The following HERC1 variants were observed in gnomAD, a reference collection of about 807,000 sequenced individuals.
HERC1 encodes probable E3 ubiquitin-protein ligase HERC1.
In HERC1, 160 loss-of-function variants were observed where a neutral mutation model predicts 554.3. The ratio of observed to expected loss-of-function variants is 0.29; its 90% CI spans 0.25 to 0.33. The LOEUF is 0.33. HERC1 is among the 10% of genes least tolerant of loss of function. The pLI is 1.00. For missense variants in HERC1, 4,919 were observed against 5,918.5 expected, an observed-to-expected ratio of 0.83 and a Z score of 5.54; for synonymous variants, 2,175 against 2,131.7, an observed-to-expected ratio of 1.02 and a Z score of -0.56.
At chr15:63,798,347 A>C (rs1401968640) in intron 1 of HERC1, among the ~76,000 whole-genome samples, 2 of 152,178 alleles carry the variant, frequency 1.3e-5, no homozygotes, top group African/African-American at 2.4e-5. Context: ...ACTTTTAACC[A>C]ACAACTGCCT....
intron 50 of HERC1, 148 bp downstream of exon 50, chr15:63,655,594 C>T: frequency 1.7e-6 from 1 of 585,532 alleles, no homozygotes; most frequent in Non-Finnish European, 3.0e-6. Flanking sequence ...TTTCCATACA[C>T]AGTGAAAAAG....
At position 63,634,950 on chromosome 15, in the gene HERC1, T is replaced by A. The variant is rs994437362; in HGVS notation, c.12415-62A>T. The A allele has an allele frequency of 1.5e-5, 19 of 1,289,874 alleles. No individual in the cohort carries two copies. In the African/African-American group the frequency reaches 2.5e-4, roughly 17 times the overall value. The allele number at this position is 1,289,874 out of a possible 1,614,324, so 79.9% of individuals were successfully genotyped here. A position where few individuals can be genotyped will look rare whatever the true frequency, so the allele number is the denominator to read the frequency against. On this transcript the variant is annotated intron_variant, in intron 65 of 77. Coordinates refer to ENST00000443617, the MANE Select transcript of HERC1 (RefSeq NM_003922.4). Reference sequence around the variant, plus strand: ...AGGGAAACTAAGAAAAAAGTAAATCTGCCATTTTTGGTATTAATATAGCAA... The same window carrying A: ...AGGGAAACTAAGAAAAAAGTAAATCAGCCATTTTTGGTATTAATATAGCAA...
Position 63,656,227 on chromosome 15 carries a change from C to G in HERC1, c.9731G>C (p.Ser3244Thr). The change falls in exon 49 of 78, where the codon AGC becomes ACC. Residue 3244 changes from serine to threonine, a missense_variant. Coordinates refer to ENST00000443617, the MANE Select transcript of HERC1 (RefSeq NM_003922.4). ...GLSTSPSAMA[S>T]TSERSRGGHS... ...CCCACCTCGTGATCGTTCTGAGGTG[C>G]TAGCCATGGCAGAAGGGCTGGTGGA... The G allele has an allele frequency of 3.7e-6, 6 of 1,613,566 alleles. No individual in the cohort carries two copies. Among genetic ancestry groups the G allele is most frequent in the Non-Finnish European group, 5.1e-6 (6 of 1,179,712 alleles).
intron 73 of HERC1, 54 bp from the exon 74 acceptor site, chr15:63,622,945 G>A: frequency 9.2e-7 from 1 of 1,088,438 alleles, no homozygotes; most frequent in Non-Finnish European, 1.3e-6. Context: ...TGCATGAAGA[G>A]AACAAACCAA....
At position 63,608,879 on chromosome 15, in the gene HERC1, T is replaced by TCAGG; in HGVS notation, c.*201_*202insCCTG. ...GAAAAACCTGACTGAGAGCACTTCG[T>TCAGG]TTTTGTTGTTTTTGTACAATCACAG... On this transcript the variant is annotated 3_prime_UTR_variant, in exon 78 of 78. Transcript: ENST00000443617. 2.2e-6 allele frequency: 1 copy of TCAGG among 449,610 alleles called. No individual in the cohort carries two copies. The highest frequency in any genetic ancestry group is 3.7e-6 in the Non-Finnish European group (1 of 268,814). 27.9% of individuals were successfully genotyped at this position (449,610 alleles called of 1,614,324 possible).
intron 12 of HERC1, among the ~76,000 whole-genome samples, chr15:63,744,306 C>G (rs1487626143): frequency 3.9e-5 from 6 of 152,100 alleles, no homozygotes; most frequent in Admixed American, 1.3e-4. Flanking sequence ...AGCACCAGCA[C>G]AGCACTGGGT....
intron 30 of HERC1, among the ~76,000 whole-genome samples, 185 bp downstream of exon 30, chr15:63,693,779 A>G (rs577826205): frequency 1.3e-5 from 2 of 152,320 alleles, no homozygotes; most frequent in Non-Finnish European, 2.9e-5. Context: ...GACTCTAAGC[A>G]GAGATGTTTG....
intron 17 of HERC1, among the ~76,000 whole-genome samples, chr15:63,726,735 T>A (rs747631903): frequency 6.6e-6 from 1 of 152,196 alleles, no homozygotes; most frequent in Non-Finnish European, 1.5e-5. Context: ...GTTTCACAGA[T>A]AAATTCTTCT....
At chr15:63,750,031 A>G (rs1356814071) in intron 8 of HERC1, among the ~76,000 whole-genome samples, 1 of 152,230 alleles carries the variant, frequency 6.6e-6, no homozygotes, top group African/African-American at 2.4e-5. Flanking sequence ...CATAGAAAAA[A>G]CAGAAAGGTC....
chr15:63,803,382 C>G (rs560493630), intron 1 of HERC1, among the ~76,000 whole-genome samples: 1 of 152,144 alleles, frequency 6.6e-6, no homozygotes, highest in East Asian at 1.9e-4. Context: ...CTAAATCATG[C>G]TGCTTCTTAT....
intron 74 of HERC1, among the ~76,000 whole-genome samples, chr15:63,618,204 A>C (rs2067908761): frequency 2.0e-5 from 3 of 151,282 alleles, no homozygotes; most frequent in African/African-American, 7.3e-5. Flanking sequence ...GAAGGGATCC[A>C]GTTTCAGCTT....
In HERC1 at chr15:63,659,849, T is replaced by C; in HGVS notation, c.9311A>G (p.Asn3104Ser). ...FELLAGPLGLNDRRIVPEPVQ... is the reference protein window; with the variant it reads ...FELLAGPLGLSDRRIVPEPVQ... ...TGGTTCTGGTACAATGCGCCGGTCA[T>C]TTAAACCAAGCGGTCCAGCAAGTAA... The change falls in exon 47 of 78, where the codon AAT (asparagine) becomes AGT (serine). Residue 3104 changes from asparagine to serine, a missense_variant. By Grantham distance (46) the Asn-to-Ser change is conservative. Coordinates refer to ENST00000443617, the MANE Select transcript of HERC1 (RefSeq NM_003922.4). The C allele has an allele frequency of 6.2e-7, 1 of 1,613,946 alleles. No individual in the cohort carries two copies. The highest frequency in any genetic ancestry group is 8.5e-7 in the Non-Finnish European group (1 of 1,179,832).
chr15:63,622,278 T>C (rs1043084817), intron 74 of HERC1, among the ~76,000 whole-genome samples: 5 of 152,074 alleles, frequency 3.3e-5, no homozygotes, highest in South Asian at 2.1e-4. Context: ...TATATTATCA[T>C]TGATTTGGTC....
intron 69 of HERC1, among the ~76,000 whole-genome samples, chr15:63,630,168 T>C (rs1453146840): frequency 2.6e-5 from 4 of 152,332 alleles, no homozygotes; most frequent in African/African-American, 9.6e-5. Context: ...ATACTGCAGC[T>C]TACTACATGC....
intron 26 of HERC1, among the ~76,000 whole-genome samples, chr15:63,697,450 A>ATT (rs35244420): frequency 0.012 from 1,267 of 108,464 alleles, 22 homozygotes; most frequent in African/African-American, 0.044. Flanking sequence ...GTTAATCTTG[A>ATT]TTTTTTTTTT....
At position 63,612,681 on chromosome 15, in the gene HERC1, C is replaced by G. The variant is rs1350485005; in HGVS notation, c.14095-125G>C. On this transcript the variant is annotated intron_variant, in intron 76 of 77. Coordinates refer to ENST00000443617, the MANE Select transcript of HERC1 (RefSeq NM_003922.4). The surrounding 1 kb of genome is among the most constrained non-coding windows in gnomAD (Gnocchi z 5.0). Reference sequence around the variant, plus strand: ...CTCCCCAGACCCTCTACTTGTTTCTCAGACCGCCAGGCACGAGAGTCAGTC... The same window carrying G: ...CTCCCCAGACCCTCTACTTGTTTCTGAGACCGCCAGGCACGAGAGTCAGTC... The G allele has an allele frequency of 1.1e-6, 1 of 872,374 alleles. No individual in the cohort carries two copies. The highest frequency in any genetic ancestry group is 1.7e-5 in the African/African-American group (1 of 59,148). The allele number at this position is 872,374 out of a possible 1,614,324, so 54.0% of individuals were successfully genotyped here. A position where few individuals can be genotyped will look rare whatever the true frequency, so the allele number is the denominator to read the frequency against.
At chr15:63,646,312 A>T (rs1439907079) in intron 55 of HERC1, among the ~76,000 whole-genome samples, 1 of 152,128 alleles carries the variant, frequency 6.6e-6, no homozygotes, top group Non-Finnish European at 1.5e-5. Context: ...TTTGAACAGG[A>T]GGTATTACCA....
chr15:63,732,525 A>G (rs930621224), intron 14 of HERC1, among the ~76,000 whole-genome samples: 1 of 152,224 alleles, frequency 6.6e-6, no homozygotes, highest in African/African-American at 2.4e-5. Context: ...TTAATGGCAT[A>G]CTAATACAGG....
At chr15:63,821,637 G>T (rs2077698642) in intron 1 of HERC1, among the ~76,000 whole-genome samples, 1 of 147,042 alleles carries the variant, frequency 6.8e-6, no homozygotes, top group South Asian at 2.1e-4. Flanking sequence ...AAGGTGGGAG[G>T]ATCACCTGAG....
Sources: allele counts gnomAD v4.1 joint callset (sites outside exome capture counted in the v4.1 genomes callset), GRCh38; gene constraint gnomAD v4.1.1; non-coding constraint Gnocchi (gnomAD v3.1); transcripts MANE v1.5; gene names NCBI Gene and HGNC (gene_info 2026-07-23, HGNC 2026-07-21).